LIN7A: variants seen among roughly 807,000 people sequenced by gnomAD.
LIN7A encodes lin-7 cell polarity scaffold A, also known as protein lin-7 homolog A.
LIN7A carries 25 observed loss-of-function variants against 29.8 expected under a neutral mutation model. The ratio of observed to expected loss-of-function variants is 0.84; its 90% CI spans 0.61 to 1.17. LIN7A has a LOEUF of 1.17. Ranked by LOEUF, LIN7A falls within the 50% of genes most tolerant of loss-of-function variation. LIN7A has a pLI of 0.00. For synonymous variants in LIN7A, 118 were observed against 107.5 expected (o/e 1.10, Z -0.60); for missense variants, 239 against 287.0 (o/e 0.83, Z 1.21).
At chr12:80,824,252 C>T (rs1871950896) in intron 4 of LIN7A, among the ~76,000 whole-genome samples, 1 of 152,040 alleles carries the variant, frequency 6.6e-6, no homozygotes, top group Non-Finnish European at 1.5e-5. Context: ...TACACATAGA[C>T]TAGAAAACCT....
At chr12:80,896,355 T>C (rs1875895838) in intron 1 of LIN7A, among the ~76,000 whole-genome samples, 1 of 152,234 alleles carries the variant, frequency 6.6e-6, no homozygotes, top group African/African-American at 2.4e-5. Flanking sequence ...TACTGACTTA[T>C]TACTAGTTTT....
rs1162850579 is a variant in LIN7A at position 80,793,812 on chromosome 12, T to G, written c.*3915A>C. ...TTAATAAATATCAAAGGGGATAATA[T>G]GCCTGATGATCTTTTTATATAAAAA... On this transcript the variant is annotated 3_prime_UTR_variant, in exon 6 of 6. Coordinates refer to ENST00000552864, the MANE Select transcript of LIN7A (RefSeq NM_004664.4). 1 of 152,198 alleles carries G rather than the reference T, an allele frequency of 6.6e-6. No homozygotes were observed. The highest frequency in any genetic ancestry group is 2.4e-5 in the African/African-American group (1 of 41,456). 9.4% of individuals were successfully genotyped at this position (152,198 alleles called of 1,614,324 possible). A position where few individuals can be genotyped will look rare whatever the true frequency, so the allele number is the denominator to read the frequency against.
At chr12:80,847,999 G>T in intron 3 of LIN7A, 2 of 577,834 alleles carry the variant, frequency 3.5e-6, no homozygotes, top group Non-Finnish European at 3.2e-6. Context: ...CAGTAGATTT[G>T]CTTGTGCCAA....
chr12:80,925,677 A>G (rs1877544802), intron 1 of LIN7A, among the ~76,000 whole-genome samples: 1 of 152,202 alleles, frequency 6.6e-6, no homozygotes, highest in African/African-American at 2.4e-5. Context: ...TAAGTAGAAA[A>G]GCCGTGATTC....
chr12:80,822,067 T>A (rs529311478), intron 4 of LIN7A, among the ~76,000 whole-genome samples: 2 of 152,228 alleles, frequency 1.3e-5, no homozygotes, highest in Admixed American at 1.3e-4. Context: ...AAGAGACACT[T>A]GAGACTGGGT....
chr12:80,856,515 T>G (rs1873607827), intron 2 of LIN7A, among the ~76,000 whole-genome samples: 1 of 152,190 alleles, frequency 6.6e-6, no homozygotes, highest in Admixed American at 6.5e-5. Context: ...GAAATACTCT[T>G]TATGTCCTCA....
chr12:80,811,143 A>G (rs1871266027), intron 5 of LIN7A, among the ~76,000 whole-genome samples: 1 of 152,164 alleles, frequency 6.6e-6, no homozygotes, highest in South Asian at 2.1e-4. Context: ...GTTTGCACAG[A>G]GGCTGCATTT....
intron 1 of LIN7A, among the ~76,000 whole-genome samples, chr12:80,920,996 G>C (rs142025899): frequency 6.6e-6 from 1 of 152,156 alleles, no homozygotes; most frequent in East Asian, 1.9e-4. Context: ...TGATTGCTAC[G>C]CTCTCTTAGC....
chr12:80,843,137 G>A (rs1872899441), intron 4 of LIN7A, among the ~76,000 whole-genome samples: 1 of 152,068 alleles, frequency 6.6e-6, no homozygotes, highest in Non-Finnish European at 1.5e-5. Flanking sequence ...TGTTATAAAT[G>A]GAACTTAATT....
intron 1 of LIN7A, among the ~76,000 whole-genome samples, chr12:80,921,971 C>T (rs1218024244): frequency 6.6e-6 from 1 of 152,172 alleles, no homozygotes; most frequent in East Asian, 1.9e-4. Context: ...TCTCAGAATT[C>T]CTTCAGTAAT....
At chr12:80,863,781 TACCCCATC>T (rs1873995033) in intron 2 of LIN7A, among the ~76,000 whole-genome samples, 1 of 152,232 alleles carries the variant, frequency 6.6e-6, no homozygotes, top group South Asian at 2.1e-4. Flanking sequence ...CCCTATCCTA[TACCCCATC>T]TGGTGGTATG....
intron 2 of LIN7A, among the ~76,000 whole-genome samples, chr12:80,862,159 A>G (rs1375822629): frequency 6.6e-6 from 1 of 152,202 alleles, no homozygotes; most frequent in African/African-American, 2.4e-5. Flanking sequence ...TTCAGCTTAT[A>G]CTAACCGAAC....
intron 2 of LIN7A, among the ~76,000 whole-genome samples, chr12:80,856,159 T>C (rs1299218190): frequency 6.6e-6 from 1 of 152,150 alleles, no homozygotes; most frequent in East Asian, 1.9e-4. Flanking sequence ...TCATGTCTAC[T>C]ACAGTAAGAT....
At chr12:80,874,894 G>A (rs186941838) in intron 2 of LIN7A, among the ~76,000 whole-genome samples, 14 of 152,242 alleles carry the variant, frequency 9.2e-5, no homozygotes, top group Admixed American at 5.9e-4. Flanking sequence ...TGAGGTACTC[G>A]GGAGGCTGAG....
intron 1 of LIN7A, among the ~76,000 whole-genome samples, chr12:80,922,131 G>T (rs549710420): frequency 6.6e-6 from 1 of 152,314 alleles, no homozygotes; most frequent in African/African-American, 2.4e-5. Context: ...TTGGCCTACA[G>T]GAGTAAACAT....
At chr12:80,911,268 A>ATTTTTTTTTT (rs768907424) in intron 1 of LIN7A, among the ~76,000 whole-genome samples, 1 of 105,890 alleles carries the variant, frequency 9.4e-6, no homozygotes, top group Non-Finnish European at 2.0e-5. Context: ...AAGTTTGTCT[A>ATTTTTTTTTT]TTTTTTTTTT....
chr12:80,899,257 G>T (rs2120718086), intron 1 of LIN7A, among the ~76,000 whole-genome samples: 1 of 152,208 alleles, frequency 6.6e-6, no homozygotes, highest in East Asian at 1.9e-4. Flanking sequence ...TTTGTTTTTA[G>T]TTCTGTTTAT....
intron 1 of LIN7A, among the ~76,000 whole-genome samples, chr12:80,914,080 C>G (rs1323297891): frequency 6.6e-6 from 1 of 152,094 alleles, no homozygotes; most frequent in Non-Finnish European, 1.5e-5. Context: ...CTCATTTTCA[C>G]CTCATATTAG....
chr12:80,841,513 T>TC lies in LIN7A; in HGVS notation c.483+4216dup, dbSNP rs574883906. On this transcript the variant is annotated intron_variant, in intron 4 of 5. Transcript: ENST00000552864. ...GCCCCTACAATCACATTATGTTTTGTCCCCCTCCCTCAACTTGCTTTATAT... is the reference window on the plus strand; with the variant it reads ...GCCCCTACAATCACATTATGTTTTGTCCCCCCTCCCTCAACTTGCTTTATAT... 8.5e-5 allele frequency among the ~76,000 whole-genome samples: 13 copies of TC among 152,102 alleles called. No individual in the cohort carries two copies. The East Asian group carries it at 2.3e-3, about 27-fold the overall frequency.
Sources: allele counts gnomAD v4.1 joint callset (sites outside exome capture counted in the v4.1 genomes callset), GRCh38; gene constraint gnomAD v4.1.1; transcripts MANE v1.5; gene names NCBI Gene and HGNC (gene_info 2026-07-23, HGNC 2026-07-21).